The following DCC variants were observed in gnomAD, a reference collection of about 807,000 sequenced individuals.
DCC encodes DCC netrin 1 receptor.
In DCC, 58 loss-of-function variants were observed where a neutral mutation model predicts 172.5. That is an observed-to-expected ratio of 0.34 (90% CI 0.27 to 0.42). The LOEUF is 0.42. Among genes scored for constraint, DCC ranks in the 10% least tolerant of loss-of-function variants. The pLI, the probability that DCC is intolerant of heterozygous loss-of-function variation, is 1.00. For missense variants in DCC, 1,740 were observed against 1,791.0 expected (o/e 0.97, Z 0.51); for synonymous variants, 709 against 644.5 (o/e 1.10, Z -1.52).
intron 1 of DCC, among the ~76,000 whole-genome samples, chr18:52,510,552 C>T (rs2031400311): frequency 6.6e-6 from 1 of 152,182 alleles, no homozygotes; most frequent in Non-Finnish European, 1.5e-5. Flanking sequence ...CCTTACCCAT[C>T]ACCCCACTCA....
In DCC at chr18:52,864,684, C is replaced by T. The variant is rs926557506; in HGVS notation, c.413-41360C>T. ...TTCTCCTAATGCTATCCTTCCCCAG[C>T]CCCCAATCCCCCCAACAGGCCCCAG... On this transcript the variant is annotated intron_variant, in intron 2 of 28. Coordinates refer to ENST00000442544, the MANE Select transcript of DCC (RefSeq NM_005215.4). Among the ~76,000 whole-genome samples, 70 of 151,770 alleles carry T rather than the reference C, an allele frequency of 4.6e-4. 1 individual carries two copies. Among genetic ancestry groups the T allele is most frequent in the Middle Eastern group, 3.4e-3 (1 of 294 alleles).
chr18:53,203,419 A>G (rs1281449973), intron 9 of DCC, among the ~76,000 whole-genome samples: 4 of 151,982 alleles, frequency 2.6e-5, no homozygotes, highest in Non-Finnish European at 5.9e-5. Flanking sequence ...AAAAAAACAC[A>G]GTAATTTGTA....
chr18:52,661,540 C>G (rs2035360191), intron 1 of DCC, among the ~76,000 whole-genome samples: 1 of 152,234 alleles, frequency 6.6e-6, no homozygotes, highest in Non-Finnish European at 1.5e-5. Context: ...TAGTCTGTTT[C>G]CCTGATGCCT....
intron 1 of DCC, among the ~76,000 whole-genome samples, chr18:52,444,418 G>T (rs115771871): frequency 0.02 from 3,068 of 152,204 alleles, 89 homozygotes; most frequent in African/African-American, 0.068. Context: ...ACACATTCTA[G>T]TGCTAAAAAC....
At chr18:52,991,651 C>T (rs562732097) in intron 5 of DCC, among the ~76,000 whole-genome samples, 1 of 152,272 alleles carries the variant, frequency 6.6e-6, no homozygotes, top group East Asian at 1.9e-4. Flanking sequence ...CTCATTTACC[C>T]TCTCGATTGG....
chr18:52,545,601 C>T (rs1033830104), intron 1 of DCC, among the ~76,000 whole-genome samples: 2 of 152,046 alleles, frequency 1.3e-5, no homozygotes, highest in Admixed American at 1.3e-4. Context: ...CCCTTGTACC[C>T]GGATAATAGT....
At chr18:52,659,479 T>G (rs1568279361) in intron 1 of DCC, among the ~76,000 whole-genome samples, 1 of 152,190 alleles carries the variant, frequency 6.6e-6, no homozygotes, top group African/African-American at 2.4e-5. Context: ...CCCTGCTTTT[T>G]ATTTGTGTTT....
intron 5 of DCC, among the ~76,000 whole-genome samples, chr18:53,039,504 G>A (rs2042140433): frequency 1.3e-5 from 2 of 152,082 alleles, no homozygotes; most frequent in South Asian, 2.1e-4. Flanking sequence ...TTGGAGAGGA[G>A]ATTTACTGCA....
At chr18:52,622,422 G>C (rs930706238) in intron 1 of DCC, among the ~76,000 whole-genome samples, 1 of 152,156 alleles carries the variant, frequency 6.6e-6, no homozygotes, top group African/African-American at 2.4e-5. Context: ...TCCGGACTGG[G>C]TCCCAAGAAT....
intron 1 of DCC, among the ~76,000 whole-genome samples, chr18:52,634,700 A>T (rs930365773): frequency 1.2e-4 from 19 of 152,010 alleles, no homozygotes; most frequent in African/African-American, 4.3e-4. Flanking sequence ...AGTGGTAGAG[A>T]CCCATAAGAC....
intron 1 of DCC, among the ~76,000 whole-genome samples, chr18:52,376,630 C>A (rs1985361108): frequency 6.6e-6 from 1 of 152,108 alleles, no homozygotes; most frequent in Admixed American, 6.5e-5. Flanking sequence ...AACTCCCTAT[C>A]TCATCTTTTA....
chr18:52,591,771 C>A lies in DCC; in HGVS notation c.92-160283C>A, dbSNP rs969981950. Among the ~76,000 whole-genome samples, 3 of 146,890 alleles carry A rather than the reference C, an allele frequency of 2.0e-5. No homozygotes were observed. The East Asian group carries it at 6.0e-4, about 29-fold the overall frequency. ...CTACTTTTTTTCTTTTTTTGTTTTTCTTTCTTTATTTATTTCTTTTTTTTT... is the reference window on the plus strand; with the variant it reads ...CTACTTTTTTTCTTTTTTTGTTTTTATTTCTTTATTTATTTCTTTTTTTTT... On this transcript the variant is annotated intron_variant, in intron 1 of 28. Transcript: ENST00000442544.
intron 5 of DCC, among the ~76,000 whole-genome samples, chr18:52,957,880 A>C (rs1034010026): frequency 1.3e-5 from 2 of 152,204 alleles, no homozygotes; most frequent in African/African-American, 4.8e-5. Context: ...CCAAGATGTC[A>C]TGGATAGTTA....
intron 1 of DCC, among the ~76,000 whole-genome samples, chr18:52,410,630 C>T (rs1370055222): frequency 2.0e-5 from 3 of 152,050 alleles, no homozygotes; most frequent in Admixed American, 1.3e-4. Context: ...TAGGGATGAA[C>T]AGCTGTGAAG....
At chr18:53,131,716 T>G (rs1162640256) in intron 7 of DCC, among the ~76,000 whole-genome samples, 6 of 152,052 alleles carry the variant, frequency 3.9e-5, no homozygotes, top group African/African-American at 1.2e-4. Context: ...GACAGTCAAA[T>G]AAAGAGATGA....
intron 1 of DCC, among the ~76,000 whole-genome samples, chr18:52,454,271 T>C (rs1417506256): frequency 1.3e-5 from 2 of 152,196 alleles, no homozygotes; most frequent in African/African-American, 4.8e-5. Context: ...GCTTGGCACA[T>C]AGGAGCTGTG....
chr18:53,233,316 A>T (rs1329023522), intron 12 of DCC, among the ~76,000 whole-genome samples: 2 of 152,228 alleles, frequency 1.3e-5, no homozygotes, highest in East Asian at 3.9e-4. Flanking sequence ...TAATTCAAAT[A>T]TTCTGCTTTA....
At chr18:52,988,248 T>C (rs954611649) in intron 5 of DCC, among the ~76,000 whole-genome samples, 5 of 122,530 alleles carry the variant, frequency 4.1e-5, no homozygotes, top group African/African-American at 1.4e-4. Flanking sequence ...ATATTTTAAA[T>C]TTCTGGGTGT....
intron 5 of DCC, among the ~76,000 whole-genome samples, chr18:52,927,606 C>T (rs1484237789): frequency 1.3e-5 from 2 of 151,834 alleles, no homozygotes; most frequent in Admixed American, 6.6e-5. Context: ...CTCTAGTGAA[C>T]CTTGACTAGT....
Sources: gnomAD v4.1 joint callset for allele counts (sites outside exome capture counted in the v4.1 genomes callset) on GRCh38, gnomAD v4.1.1 for gene constraint, MANE v1.5 for transcripts, NCBI Gene and HGNC (gene_info 2026-07-23, HGNC 2026-07-21) for gene names.